CHRM3: variants seen among roughly 807,000 people sequenced by gnomAD.
CHRM3 encodes the protein cholinergic receptor muscarinic 3, also known as muscarinic acetylcholine receptor M3.
A neutral mutation model predicts 41.8 loss-of-function variants in CHRM3; 11 were observed. The ratio of observed to expected loss-of-function variants is 0.26; its 90% CI spans 0.17 to 0.44. The LOEUF (loss-of-function observed/expected upper bound fraction) is 0.44, where lower values mean the gene tolerates loss of function less well. CHRM3 is among the 20% of genes least tolerant of loss of function. The pLI is 1.00. For missense variants in CHRM3, 571 were observed against 745.4 expected, an observed-to-expected ratio of 0.77 and a Z score of 2.72; for synonymous variants, 297 against 301.4, an observed-to-expected ratio of 0.99 and a Z score of 0.15.
chr1:239,596,203 C>G (rs544640402), intron 3 of CHRM3, among the ~76,000 whole-genome samples: 1 of 152,288 alleles, frequency 6.6e-6, no homozygotes, highest in South Asian at 2.1e-4. Flanking sequence ...TTTTCCATCT[C>G]TGACTCTTTA....
chr1:239,784,009 C>G (rs1668704304), intron 5 of CHRM3, among the ~76,000 whole-genome samples: 1 of 152,186 alleles, frequency 6.6e-6, no homozygotes, highest in Non-Finnish European at 1.5e-5. Flanking sequence ...TGGCCTCCAG[C>G]TACATCCATG....
At chr1:239,886,965 C>G in intron 6 of CHRM3, among the ~76,000 whole-genome samples, 1 of 152,136 alleles carries the variant, frequency 6.6e-6, no homozygotes, top group Non-Finnish European at 1.5e-5. Context: ...TGTCCTCCAC[C>G]ACCCTCCCAT....
chr1:239,571,043 C>CAGCT (rs1296415790), intron 3 of CHRM3, among the ~76,000 whole-genome samples: 1 of 152,126 alleles, frequency 6.6e-6, no homozygotes, highest in East Asian at 1.9e-4. Context: ...CTCCTGTGCC[C>CAGCT]AGCTGCCTTC....
intron 5 of CHRM3, among the ~76,000 whole-genome samples, chr1:239,768,947 T>C (rs1235807488): frequency 5.3e-5 from 8 of 152,088 alleles, no homozygotes; most frequent in Non-Finnish European, 1.2e-4. Flanking sequence ...GTATTTTTAG[T>C]AAAGACAGAT....
chr1:239,444,122 G>A (rs1001413154), intron 1 of CHRM3, among the ~76,000 whole-genome samples: 3 of 152,114 alleles, frequency 2.0e-5, no homozygotes, highest in Admixed American at 6.6e-5. Context: ...TCTCAGCTTC[G>A]TTTTAAGGAC....
At chr1:239,871,716 T>C (rs184429585) in intron 6 of CHRM3, among the ~76,000 whole-genome samples, 3 of 152,306 alleles carry the variant, frequency 2.0e-5, no homozygotes, top group African/African-American at 7.2e-5. Flanking sequence ...TTACATGATA[T>C]GGTTCCCTGA....
intron 5 of CHRM3, among the ~76,000 whole-genome samples, chr1:239,768,300 T>C (rs1278699834): frequency 1.3e-5 from 2 of 152,132 alleles, no homozygotes; most frequent in East Asian, 1.9e-4. Context: ...AATCTAACTA[T>C]TTAAAGATCA....
intron 5 of CHRM3, among the ~76,000 whole-genome samples, chr1:239,814,503 A>G (rs2149003268): frequency 6.6e-6 from 1 of 152,264 alleles, no homozygotes; most frequent in East Asian, 1.9e-4. Flanking sequence ...GAGGAAATGC[A>G]CCTGTTTTCT....
intron 5 of CHRM3, among the ~76,000 whole-genome samples, chr1:239,793,175 A>G (rs1669485901): frequency 6.6e-6 from 1 of 152,258 alleles, no homozygotes; most frequent in Non-Finnish European, 1.5e-5. Flanking sequence ...ATGAGTAGCC[A>G]TTCTAAAAGG....
chr1:239,456,491 A>T (rs1423296782), intron 1 of CHRM3, among the ~76,000 whole-genome samples: 1 of 152,206 alleles, frequency 6.6e-6, no homozygotes, highest in Non-Finnish European at 1.5e-5. Context: ...AGTGTGTAGT[A>T]GGCTACACCG....
chr1:239,838,878 G>A (rs1049024817), intron 6 of CHRM3, among the ~76,000 whole-genome samples: 8 of 152,158 alleles, frequency 5.3e-5, no homozygotes, highest in African/African-American at 1.9e-4. Context: ...GAAAAATACA[G>A]ATAAATATGC....
intron 5 of CHRM3, among the ~76,000 whole-genome samples, chr1:239,798,262 T>C (rs1669950759): frequency 6.6e-6 from 1 of 152,160 alleles, no homozygotes. Context: ...GTTACCATTG[T>C]GACTTCCAGT....
At chr1:239,895,779 G>A (rs1298165480) in intron 6 of CHRM3, among the ~76,000 whole-genome samples, 1 of 152,120 alleles carries the variant, frequency 6.6e-6, no homozygotes, top group Non-Finnish European at 1.5e-5. Context: ...AGTACACATA[G>A]ACACAAAGAA....
chr1:239,509,284 G>GT (rs373424633), intron 2 of CHRM3, among the ~76,000 whole-genome samples: 58 of 152,004 alleles, frequency 3.8e-4, no homozygotes, highest in Middle Eastern at 3.4e-3. Context: ...AAGAACAGGT[G>GT]TTTTTTTTAA....
At chr1:239,468,555 C>G (rs1311640009) in intron 1 of CHRM3, among the ~76,000 whole-genome samples, 1 of 152,098 alleles carries the variant, frequency 6.6e-6, no homozygotes, top group African/African-American at 2.4e-5. Flanking sequence ...TTGTTAACTT[C>G]TAGAAACAGC....
chr1:239,669,321 A>G (rs1674129265), intron 4 of CHRM3, among the ~76,000 whole-genome samples: 1 of 152,234 alleles, frequency 6.6e-6, no homozygotes, highest in Non-Finnish European at 1.5e-5. Context: ...GTTCTGTTTC[A>G]GACAACTTGT....
chr1:239,478,977 A>G (rs1666641664), intron 1 of CHRM3, among the ~76,000 whole-genome samples: 1 of 152,078 alleles, frequency 6.6e-6, no homozygotes, highest in Non-Finnish European at 1.5e-5. Context: ...GAGCCTAGGC[A>G]TTTGAGTTCA....
intron 5 of CHRM3, among the ~76,000 whole-genome samples, chr1:239,734,089 G>A (rs984177670): frequency 1.3e-5 from 2 of 152,064 alleles, no homozygotes; most frequent in African/African-American, 4.8e-5. Flanking sequence ...TCTAGCTACA[G>A]AAAGCAAAAC....
At chr1:239,724,729 C>T (rs746768219) in intron 5 of CHRM3, among the ~76,000 whole-genome samples, 8 of 151,934 alleles carry the variant, frequency 5.3e-5, no homozygotes, top group Non-Finnish European at 8.8e-5. Flanking sequence ...TCCCCGTGAT[C>T]CATTGATGTC....
Sources: gnomAD v4.1 joint callset for allele counts (sites outside exome capture counted in the v4.1 genomes callset) on GRCh38, gnomAD v4.1.1 for gene constraint, MANE v1.5 for transcripts, NCBI Gene and HGNC (gene_info 2026-07-23, HGNC 2026-07-21) for gene names.